The following COL10A1 variants were observed in gnomAD, a reference collection of about 807,000 sequenced individuals.
COL10A1 encodes collagen type X alpha 1 chain.
In COL10A1, 10 loss-of-function variants were observed where a neutral mutation model predicts 18.2. The ratio of observed to expected loss-of-function variants is 0.55; its 90% CI spans 0.34 to 0.93. The LOEUF (loss-of-function observed/expected upper bound fraction) is 0.93. COL10A1 is among the 40% of genes least tolerant of loss of function. COL10A1 has a pLI of 0.02. For missense variants in COL10A1, 897 were observed against 853.5 expected, an observed-to-expected ratio of 1.05 and a Z score of -0.64; for synonymous variants, 330 against 316.6, an observed-to-expected ratio of 1.04 and a Z score of -0.45.
At chr6:116,188,486 ATGAATGAATCT>A in the COL10A1 span, among the ~76,000 whole-genome samples, 1 of 152,074 alleles carries the variant, frequency 6.6e-6, no homozygotes, top group Non-Finnish European at 1.5e-5. Context: ...TATGAACAAC[ATGAATGAATCT>A]TAAAAACAGA....
intron 1 of COL10A1, among the ~76,000 whole-genome samples, chr6:116,132,035 A>C (rs1429649328): frequency 1.3e-5 from 2 of 152,142 alleles, no homozygotes; most frequent in Non-Finnish European, 2.9e-5. Flanking sequence ...ATAGTATTCC[A>C]TGGGGTATAT....
At chr6:116,177,518 A>G in the COL10A1 span, among the ~76,000 whole-genome samples, 2 of 152,168 alleles carry the variant, frequency 1.3e-5, no homozygotes, top group East Asian at 3.8e-4. Flanking sequence ...GTAAGCCACT[A>G]AGTACTAAAT....
chr6:116,217,072 T>C, the COL10A1 span, among the ~76,000 whole-genome samples: 5 of 152,290 alleles, frequency 3.3e-5, no homozygotes, highest in African/African-American at 1.2e-4. Context: ...CAAACAGTAG[T>C]GATACAGTTA....
chr6:116,174,003 C>T, the COL10A1 span, among the ~76,000 whole-genome samples: 4 of 152,156 alleles, frequency 2.6e-5, no homozygotes, highest in Admixed American at 6.5e-5. Flanking sequence ...GTGCTAGCCA[C>T]GTATTTTATA....
chr6:116,182,070 C>T, the COL10A1 span, among the ~76,000 whole-genome samples: 1 of 151,972 alleles, frequency 6.6e-6, no homozygotes, highest in South Asian at 2.1e-4. Flanking sequence ...TATTCTTATG[C>T]CTTTGTGTCT....
chr6:116,191,409 G>A, the COL10A1 span, among the ~76,000 whole-genome samples: 1 of 151,936 alleles, frequency 6.6e-6, no homozygotes, highest in Admixed American at 6.6e-5. Context: ...GGGAAGGAGA[G>A]GAGATTCACG....
At chr6:116,201,004 G>T in the COL10A1 span, among the ~76,000 whole-genome samples, 9 of 151,940 alleles carry the variant, frequency 5.9e-5, no homozygotes, top group Non-Finnish European at 1.3e-4. Flanking sequence ...GGAAAAAAGC[G>T]GGAAGGTACT....
At chr6:116,186,008 A>C in the COL10A1 span, among the ~76,000 whole-genome samples, 3 of 151,954 alleles carry the variant, frequency 2.0e-5, no homozygotes, top group Admixed American at 2.0e-4. Flanking sequence ...GGTGTATTTC[A>C]AGGATTTCTT....
chr6:116,120,806 C>G lies in COL10A1; in HGVS notation c.1310G>C (p.Gly437Ala). ...AGAKGMPGHN[G>A]EAGPRGAPGI... ...AGGGGCACCTCTTGGGCCAGCCTCTCCATTGTGTCCGGGCATTCCCTTTGC... is the reference window on the plus strand; with the variant it reads ...AGGGGCACCTCTTGGGCCAGCCTCTGCATTGTGTCCGGGCATTCCCTTTGC... Residue 437 changes from glycine to alanine, a missense_variant, in exon 3 of 3, where the codon GGA becomes GCA. Physicochemically the swap from Gly to Ala is moderately conservative, Grantham distance 60. Coordinates refer to ENST00000651968, the MANE Select transcript of COL10A1 (RefSeq NM_000493.4). The G allele has an allele frequency of 3.1e-6, 5 of 1,612,796 alleles. No homozygotes were observed. Among genetic ancestry groups the G allele is most frequent in the Non-Finnish European group, 4.2e-6 (5 of 1,179,752 alleles).
At chr6:116,200,880 CCTT>C in the COL10A1 span, among the ~76,000 whole-genome samples, 3 of 152,090 alleles carry the variant, frequency 2.0e-5, no homozygotes, top group East Asian at 3.9e-4. Flanking sequence ...ACATATGCTC[CCTT>C]CTTCTTCCCC....
chr6:116,164,396 G>A, the COL10A1 span, among the ~76,000 whole-genome samples: 2 of 152,122 alleles, frequency 1.3e-5, no homozygotes, highest in Admixed American at 1.3e-4. Context: ...TCTGACATAA[G>A]AATAGCAACC....
At chr6:116,211,411 C>G in the COL10A1 span, among the ~76,000 whole-genome samples, 1 of 152,022 alleles carries the variant, frequency 6.6e-6, no homozygotes, top group Non-Finnish European at 1.5e-5. Context: ...TGAATTTTCT[C>G]TAGCAAAAGT....
the COL10A1 span, among the ~76,000 whole-genome samples, chr6:116,181,112 G>A: frequency 2.0e-5 from 3 of 151,924 alleles, no homozygotes; most frequent in Non-Finnish European, 4.4e-5. Context: ...ATATATAGAT[G>A]AAAAGATTAA....
the COL10A1 span, among the ~76,000 whole-genome samples, chr6:116,209,226 C>G: frequency 4.6e-5 from 7 of 152,030 alleles, no homozygotes; most frequent in African/African-American, 1.4e-4. Context: ...CTTTGGGCAC[C>G]AAGAGACAAA....
At chr6:116,179,873 A>G in the COL10A1 span, among the ~76,000 whole-genome samples, 7 of 152,140 alleles carry the variant, frequency 4.6e-5, no homozygotes, top group Non-Finnish European at 8.8e-5. Context: ...TGTCATGAAA[A>G]TCACTCTCAT....
chr6:116,135,800 A>C (rs953620490), intron 1 of COL10A1, among the ~76,000 whole-genome samples: 41 of 143,634 alleles, frequency 2.9e-4, no homozygotes, highest in African/African-American at 9.9e-4. Flanking sequence ...ATAAATTAAA[A>C]GTATATATAT....
At chr6:116,158,551 T>C (rs372582025) in intron 1 of COL10A1, 14 of 152,326 alleles carry the variant, frequency 9.2e-5, no homozygotes, top group African/African-American at 3.4e-4. Context: ...TTTTGCCCTG[T>C]TTTTCATCTA....
In COL10A1 at chr6:116,125,463, T is replaced by C. The variant is rs757234908; in HGVS notation, c.30A>G (p.Leu10=). Residue 10 remains leucine, a synonymous_variant, in exon 2 of 3, where the codon CTA becomes CTG. Coordinates refer to ENST00000651968, the MANE Select transcript of COL10A1 (RefSeq NM_000493.4). The part of the protein sequence containing the change: MLPQIPFLL[L]VSLNLVHGVF... The stretch of plus-strand genomic sequence containing the variant: ...CTCCATGAACCAAGTTCAAGGATAC[T>C]AGCAGCAAAAAGGGTATTTGTGGCA... 7 of 1,613,880 alleles carry C rather than the reference T, an allele frequency of 4.3e-6. No homozygotes were observed. The South Asian group carries it at 7.7e-5, about 18-fold the overall frequency.
chr6:116,125,791 G>T, intron 1 of COL10A1: 1 of 265,572 alleles, frequency 3.8e-6, no homozygotes, highest in Non-Finnish European at 7.3e-6. Context: ...AAATAATCTA[G>T]GATCTTTGAC....
Sources: allele counts gnomAD v4.1 joint callset (sites outside exome capture counted in the v4.1 genomes callset), GRCh38; gene constraint gnomAD v4.1.1; transcripts MANE v1.5; gene names NCBI Gene and HGNC (gene_info 2026-07-23, HGNC 2026-07-21).